TTC23L: variants seen among roughly 807,000 people sequenced by gnomAD.
TTC23L encodes the protein tetratricopeptide repeat domain 23 like.
TTC23L carries 42 observed loss-of-function variants against 48.1 expected under a neutral mutation model. That is an observed-to-expected ratio of 0.87 (90% CI 0.68 to 1.13). The LOEUF (loss-of-function observed/expected upper bound fraction) is 1.13, where lower values mean the gene tolerates loss of function less well. Among genes scored for constraint, TTC23L ranks in the 50% most tolerant of loss-of-function variants. The probability of loss-of-function intolerance (pLI) is 0.00; values close to 1 mark genes in which losing one functional copy is unlikely to be tolerated. For missense variants in TTC23L, 391 were observed against 421.0 expected (o/e 0.93, Z 0.62); for synonymous variants, 159 against 157.2 (o/e 1.01, Z -0.09).
chr5:34,922,867 C>A, the TTC23L span: 2 of 1,316,198 alleles, frequency 1.5e-6, no homozygotes, highest in Admixed American at 1.9e-5. Flanking sequence ...TCACCCCCAC[C>A]TTGGTTTTAT....
intron 9 of TTC23L, among the ~76,000 whole-genome samples, chr5:34,881,571 T>A (rs1762224299): frequency 6.6e-6 from 1 of 152,130 alleles, no homozygotes; most frequent in Non-Finnish European, 1.5e-5. Flanking sequence ...AAGAGTAGAG[T>A]TACAGGCACA....
downstream of TTC23L, among the ~76,000 whole-genome samples, chr5:34,904,361 T>C (rs1191859955): frequency 1.3e-5 from 2 of 151,472 alleles, no homozygotes; most frequent in African/African-American, 2.4e-5. Context: ...TTTGGGAGGC[T>C]GAGGCAGGAG....
At chr5:34,916,647 A>G in the TTC23L span, 2 of 152,242 alleles carry the variant, frequency 1.3e-5, no homozygotes, top group Non-Finnish European at 2.9e-5. Context: ...CTTAAGCTAG[A>G]CAGAATACTG....
the TTC23L span, chr5:34,920,553 T>C: frequency 6.6e-6 from 1 of 152,234 alleles, no homozygotes; most frequent in Admixed American, 6.5e-5. Flanking sequence ...CCTGTCATTA[T>C]GGAACTTACA....
intron 8 of TTC23L, among the ~76,000 whole-genome samples, chr5:34,879,408 GAC>G (rs1453118572): frequency 6.6e-6 from 1 of 151,964 alleles, no homozygotes; most frequent in Non-Finnish European, 1.5e-5. Flanking sequence ...TGTTTGGAAA[GAC>G]ACAACATTAA....
the TTC23L span, chr5:34,905,477 C>G: frequency 6.6e-6 from 1 of 151,718 alleles, no homozygotes; most frequent in African/African-American, 2.4e-5. Flanking sequence ...GACTGTGTTA[C>G]ATGCCTTATT....
chr5:34,894,052 C>T (rs1763046115), intron 9 of TTC23L, among the ~76,000 whole-genome samples: 1 of 152,086 alleles, frequency 6.6e-6, no homozygotes, highest in Non-Finnish European at 1.5e-5. Context: ...TCTCAATACT[C>T]TATTTATATG....
chr5:34,922,117 A>C, the TTC23L span: 1 of 618,264 alleles, frequency 1.6e-6, no homozygotes, highest in Non-Finnish European at 2.8e-6. Flanking sequence ...TAGCCTGGTT[A>C]GGTATTTTTG....
chr5:34,908,280 TCTC>T, the TTC23L span: 1 of 151,426 alleles, frequency 6.6e-6, no homozygotes, highest in African/African-American at 2.4e-5. Flanking sequence ...TTCAAGCAAT[TCTC>T]CTGCCTCAGC....
At position 34,880,226 on chromosome 5, in the gene TTC23L, C is replaced by T. The variant is rs116562281; in HGVS notation, c.995C>T (p.Ala332Val). The T allele has an allele frequency of 9.8e-5, 158 of 1,613,114 alleles. No individual in the cohort carries two copies. In the Middle Eastern group the frequency reaches 1.7e-3, roughly 17 times the overall value. ...ATAAGAAGTATCAATGCATATCGAG[C>T]AACATTGGGCTCAGAGGATTTTGAA... The change falls in exon 9 of 11, where the codon GCA becomes GTA. Residue 332 changes from alanine to valine, a missense_variant. By Grantham distance (64) the Ala-to-Val change is moderately conservative (BLOSUM62 0). Coordinates refer to ENST00000505624, the Ensembl canonical transcript of TTC23L.
chr5:34,862,627 A>G (rs887014537), intron 4 of TTC23L, among the ~76,000 whole-genome samples: 24 of 152,160 alleles, frequency 1.6e-4, no homozygotes, highest in African/African-American at 5.1e-4. Context: ...AGGGCTGAAT[A>G]AGAACCACTT....
the TTC23L span, chr5:34,923,434 C>T: frequency 6.8e-4 from 385 of 568,022 alleles, 1 homozygote; most frequent in South Asian, 7.4e-3. Context: ...CCCATCATCA[C>T]GCCTGGCTAA....
intron 10 of TTC23L, among the ~76,000 whole-genome samples, chr5:34,897,156 A>G (rs1023125464): frequency 2.6e-5 from 4 of 152,146 alleles, no homozygotes; most frequent in Non-Finnish European, 4.4e-5. Flanking sequence ...AGGCTGAGGC[A>G]GGTGGATTGT....
At chr5:34,913,656 T>C in the TTC23L span, 1 of 851,444 alleles carries the variant, frequency 1.2e-6, no homozygotes, top group African/African-American at 1.7e-5. Context: ...TTTCACTTTA[T>C]ACGTTTAAAA....
exon 7 of TTC23L, chr5:34,866,941 A>G (rs565212908): frequency 6.2e-7 from 1 of 1,609,776 alleles, no homozygotes; most frequent in East Asian, 2.2e-5. Flanking sequence ...ATACTTTGAA[A>G]AGGCAATTGG....
rs112714052 is a variant in TTC23L, at chr5:34,876,944, A to T, written c.950-3237A>T. On this transcript the variant is annotated intron_variant, in intron 8 of 10. Transcript: ENST00000505624. ...AAGGCATGTGTATACCTAGTAACAA[A>T]CCTGCACATTCTGCACATGTACCCC... is the stretch of plus-strand genomic sequence containing the variant. Among the ~76,000 whole-genome samples the T allele has an allele frequency of 1.2e-4, 18 of 152,206 alleles. 1 individual carries two copies. Among genetic ancestry groups the T allele is most frequent in the African/African-American group, 4.3e-4 (18 of 41,510 alleles).
intron 8 of TTC23L, among the ~76,000 whole-genome samples, chr5:34,875,656 A>G (rs1443259803): frequency 2.6e-5 from 4 of 152,144 alleles, no homozygotes; most frequent in African/African-American, 9.7e-5. Flanking sequence ...CCCAGGATCA[A>G]TACTTTGCAT....
the TTC23L span, chr5:34,908,292 GC>G: frequency 6.6e-6 from 1 of 151,412 alleles, no homozygotes; most frequent in African/African-American, 2.4e-5. Flanking sequence ...TCCTGCCTCA[GC>G]CTCCCGAGTA....
chr5:34,844,540 G>C, intron 2 of TTC23L, among the ~76,000 whole-genome samples: 1 of 149,782 alleles, frequency 6.7e-6, no homozygotes, highest in Non-Finnish European at 1.5e-5. Context: ...CACTCTTTAA[G>C]CTTTTTGTGC....
Sources: gnomAD v4.1 joint callset for allele counts (sites outside exome capture counted in the v4.1 genomes callset) on GRCh38, gnomAD v4.1.1 for gene constraint, MANE v1.5 for transcripts, NCBI Gene and HGNC (gene_info 2026-07-23, HGNC 2026-07-21) for gene names.